Variants in FBXO41 observed in about 807,000 individuals in gnomAD.
The protein encoded by FBXO41 is F-box only protein 41.
FBXO41 carries 33 observed loss-of-function variants against 81.6 expected under a neutral mutation model. The observed-to-expected ratio is 0.40, with a 90% CI of 0.31 to 0.54. The LOEUF (loss-of-function observed/expected upper bound fraction) is 0.54, where lower values mean the gene tolerates loss of function less well. Ranked by LOEUF, FBXO41 falls within the 20% of genes least tolerant of loss-of-function variation. The probability of loss-of-function intolerance (pLI) is 0.39; values close to 1 mark genes in which losing one functional copy is unlikely to be tolerated. For missense variants in FBXO41, 1,107 were observed against 1,236.0 expected (o/e 0.90, Z 1.56); for synonymous variants, 576 against 552.7 (o/e 1.04, Z -0.59).
chr2:73,271,959 C>T (rs1298678271), intron 1 of FBXO41, among the ~76,000 whole-genome samples: 1 of 152,184 alleles, frequency 6.6e-6, no homozygotes, highest in Non-Finnish European at 1.5e-5. Flanking sequence ...AAGCTAGTTA[C>T]AGTTGGATCT....
At chr2:73,262,233 TA>T (rs34189596) in intron 9 of FBXO41, among the ~76,000 whole-genome samples, 81,334 of 142,892 alleles carry the variant, frequency 0.57, 23,580 homozygotes, top group African/African-American at 0.79. Context: ...AAAAACTAAA[TA>T]AAAAAAAAAA....
At chr2:73,281,732 G>A (rs1436640729) in intron 1 of FBXO41, among the ~76,000 whole-genome samples, 1 of 152,188 alleles carries the variant, frequency 6.6e-6, no homozygotes, top group African/African-American at 2.4e-5. Context: ...AGACCAGCAG[G>A]GCCCACAGCC....
At chr2:73,268,598 TG>T in intron 2 of FBXO41, 127 bp downstream of exon 2, 1 of 919,252 alleles carries the variant, frequency 1.1e-6, no homozygotes, top group Non-Finnish European at 1.6e-6. Flanking sequence ...TGCATGCTCC[TG>T]GCCACGGATC....
intron 5 of FBXO41, 93 bp downstream of exon 5, chr2:73,265,189 G>T: frequency 1.6e-6 from 2 of 1,237,122 alleles, no homozygotes; most frequent in South Asian, 1.5e-5. Flanking sequence ...TAGGAGGGGT[G>T]GGCAAGTCTG....
Position 73,260,838 on chromosome 2 carries a change from C to G in FBXO41, c.2192G>C (p.Ser731Thr). 1 of 1,566,996 alleles carries G rather than the reference C, an allele frequency of 6.4e-7. No homozygotes were observed. Among genetic ancestry groups the G allele is most frequent in the Non-Finnish European group, 8.7e-7 (1 of 1,154,778 alleles). Reference sequence around the variant, plus strand: ...ACCAATCATCTGCAGGCAGCGGTTACTGAAGCGTGTGGGCTGCTGGCTGGA... The same window carrying G: ...ACCAATCATCTGCAGGCAGCGGTTAGTGAAGCGTGTGGGCTGCTGGCTGGA... ...LHPCQQPTRF[S>T]NRCLQMIGRC... The change falls in exon 10 of 13, where the codon AGT (serine) becomes ACT (threonine). Residue 731 changes from serine to threonine, a missense_variant. Transcript: ENST00000520530. This position sits in a 1 kb window ranked among gnomAD's most constrained non-coding sequence, Gnocchi z 5.0.
chr2:73,263,644 G>C (rs1374629735), intron 8 of FBXO41, 34 bp downstream of exon 8: 2 of 1,610,776 alleles, frequency 1.2e-6, no homozygotes, highest in African/African-American at 2.7e-5. Flanking sequence ...TGGGCTTAGA[G>C]GGAACAGGCC....
chr2:73,265,784 G>A (rs543352350), intron 4 of FBXO41, 109 bp downstream of exon 4: 213 of 1,440,076 alleles, frequency 1.5e-4, no homozygotes, highest in Admixed American at 7.8e-4. Flanking sequence ...GCAGACATAC[G>A]TGACCCAGGG....
rs757982175 is a variant in FBXO41 at position 73,270,855 on chromosome 2, C to T, written c.-138-1087G>A. The stretch of plus-strand genomic sequence containing the variant: ...CTCTTCCTAACTGCCTGCAATAGGG[C>T]TTCCACTGCCCTGTGATCAAGGTCA... On this transcript the variant is annotated intron_variant, in intron 1 of 12. Coordinates refer to ENST00000520530, the MANE Select transcript of FBXO41 (RefSeq NM_001371389.2). 1.1e-5 allele frequency: 6 copies of T among 534,514 alleles called. No homozygotes were observed. In the East Asian group the frequency reaches 3.3e-4, roughly 29 times the overall value. The allele number at this position is 534,514 out of a possible 1,614,324, so 33.1% of individuals were successfully genotyped here. A position where few individuals can be genotyped will look rare whatever the true frequency, so the allele number is the denominator to read the frequency against.
rs1688271440 is a variant in FBXO41, at chr2:73,266,263, C to T, written c.1131+194G>A. 6.6e-6 allele frequency among the ~76,000 whole-genome samples: 1 copy of T among 152,208 alleles called. No homozygotes were observed. Among genetic ancestry groups the T allele is most frequent in the African/African-American group, 2.4e-5 (1 of 41,452 alleles). ...GCTGGGGCCACCGAATCACATCTCACTACAGCCTCGGGGGCTGGCACTGGC... is the reference window on the plus strand; with the variant it reads ...GCTGGGGCCACCGAATCACATCTCATTACAGCCTCGGGGGCTGGCACTGGC... On this transcript the variant is annotated intron_variant, in intron 3 of 12. Coordinates refer to ENST00000520530, the MANE Select transcript of FBXO41 (RefSeq NM_001371389.2). This position sits in a 1 kb window ranked among gnomAD's most constrained non-coding sequence, Gnocchi z 5.3.
Position 73,258,965 on chromosome 2 carries a change from G to C in FBXO41, c.*17C>G. On this transcript the variant is annotated 3_prime_UTR_variant, in exon 13 of 13. Coordinates refer to ENST00000520530, the MANE Select transcript of FBXO41 (RefSeq NM_001371389.2). ...CTGGTGTGGGGCTGGCAGGGGCCCTGCCGCCCCCTACCCGGGTTAGCAGCC... is the reference window on the plus strand; with the variant it reads ...CTGGTGTGGGGCTGGCAGGGGCCCTCCCGCCCCCTACCCGGGTTAGCAGCC... 3.2e-6 allele frequency: 5 copies of C among 1,561,900 alleles called. No individual in the cohort carries two copies. The highest frequency in any genetic ancestry group is 4.3e-6 in the Non-Finnish European group (5 of 1,153,446).
chr2:73,266,523 G>T lies in FBXO41; in HGVS notation c.1065C>A (p.Ser355Arg), dbSNP rs372629043. ...CCCCACCTCCACGGCCCAGGCTGGC[G>T]CTGGGCGTGCTGCCACAGCTGCTGC... is the stretch of plus-strand genomic sequence containing the variant. ...VISSSCGSTP[S>R]ASLGRGGGGG... is the part of the protein sequence containing the mutation. The change falls in exon 3 of 13, where the codon AGC becomes AGA. Residue 355 changes from serine to arginine, a missense_variant. This residue lies in a region of FBXO41 where 771 missense variants were observed against 789.2 expected (regional missense o/e 0.98). Transcript: ENST00000520530. The surrounding 1 kb of genome is among the most constrained non-coding windows in gnomAD (Gnocchi z 5.3). The T allele has an allele frequency of 6.2e-7, 1 of 1,603,432 alleles. No homozygotes were observed.
At chr2:73,281,690 C>T (rs987513870) in intron 1 of FBXO41, among the ~76,000 whole-genome samples, 2 of 152,216 alleles carry the variant, frequency 1.3e-5, no homozygotes, top group African/African-American at 4.8e-5. Context: ...GTTAGGCTCT[C>T]AACATAATGC....
At chr2:73,283,729 G>A (rs951566494) in intron 1 of FBXO41, among the ~76,000 whole-genome samples, 1 of 152,186 alleles carries the variant, frequency 6.6e-6, no homozygotes, top group African/African-American at 2.4e-5. Flanking sequence ...ACACCGGCAC[G>A]CACAGACACC....
rs1483429940 is a variant in FBXO41 at position 73,269,120 on chromosome 2, G to GCGT, written c.508_510dup (p.Thr170dup). 5.3e-6 allele frequency: 8 copies of GCGT among 1,512,608 alleles called. No homozygotes were observed. The highest frequency in any genetic ancestry group is 1.9e-4 in the Middle Eastern group (1 of 5,390). The allele number at this position is 1,512,608 out of a possible 1,614,324, so 93.7% of individuals were successfully genotyped here. On this transcript the variant is annotated inframe_insertion, in exon 2 of 13. Coordinates refer to ENST00000520530, the MANE Select transcript of FBXO41 (RefSeq NM_001371389.2). The surrounding 1 kb of genome is among the most constrained non-coding windows in gnomAD (Gnocchi z 7.0). ...GGGCCGGGGCCGGGGCCAGGCGGCGGCGTCGAGCACGCCGAGGACGCCACG... is the reference window on the plus strand; with the variant it reads ...GGGCCGGGGCCGGGGCCAGGCGGCGGCGTCGTCGAGCACGCCGAGGACGCCACG...
intron 1 of FBXO41, among the ~76,000 whole-genome samples, chr2:73,278,443 C>T (rs939637229): frequency 1.3e-4 from 20 of 152,318 alleles, no homozygotes; most frequent in Admixed American, 9.2e-4. Flanking sequence ...TATTCAAACA[C>T]GAATTTATTC....
rs1688425736 is a variant in FBXO41, at chr2:73,269,648, G to A, written c.-18C>T. The A allele has an allele frequency of 1.7e-6, 2 of 1,172,082 alleles. No homozygotes were observed. The highest frequency in any genetic ancestry group is 1.1e-6 in the Non-Finnish European group (1 of 951,768). The allele number at this position is 1,172,082 out of a possible 1,614,324, so 72.6% of individuals were successfully genotyped here. A position where few individuals can be genotyped will look rare whatever the true frequency, so the allele number is the denominator to read the frequency against. ...GAGGCCATGGCCCCGCCGCCCCCGCGGCACGCGGGCTCCACCGCGGCCGCC... is the reference window on the plus strand; with the variant it reads ...GAGGCCATGGCCCCGCCGCCCCCGCAGCACGCGGGCTCCACCGCGGCCGCC... On this transcript the variant is annotated 5_prime_UTR_variant, in exon 2 of 13. Transcript: ENST00000520530. This position sits in a 1 kb window ranked among gnomAD's most constrained non-coding sequence, Gnocchi z 7.0.
At position 73,265,455 on chromosome 2, in the gene FBXO41, C is replaced by G. The variant is rs375457673; in HGVS notation, c.1391G>C (p.Arg464Pro). The G allele has an allele frequency of 6.2e-7, 1 of 1,605,926 alleles. No individual in the cohort carries two copies. Among genetic ancestry groups the G allele is most frequent in the Non-Finnish European group, 8.5e-7 (1 of 1,179,144 alleles). The change falls in exon 5 of 13, where the codon CGC (arginine) becomes CCC (proline). Residue 464 changes from arginine to proline, a missense_variant. Coordinates refer to ENST00000520530, the MANE Select transcript of FBXO41 (RefSeq NM_001371389.2). ...GCGCTGCCAGTTCTGGATGGCCTGG[C>G]GCCGCAGGCCTGAGCTGCGAGGGGG... ...SQPPRSSGLR[R>P]QAIQNWQRRP...
intron 1 of FBXO41, chr2:73,271,226 C>T (rs912834339): frequency 2.7e-5 from 8 of 297,672 alleles, no homozygotes; most frequent in Admixed American, 2.3e-4. Context: ...GATGTCTGTT[C>T]CTTTTGCCAG....
At chr2:73,275,778 G>A (rs974360963) in intron 1 of FBXO41, among the ~76,000 whole-genome samples, 2 of 151,662 alleles carry the variant, frequency 1.3e-5, no homozygotes, top group Non-Finnish European at 2.9e-5. Flanking sequence ...GTATATGTGA[G>A]ACAAGCCTTA....
Sources: allele counts gnomAD v4.1 joint callset (sites outside exome capture counted in the v4.1 genomes callset), GRCh38; gene constraint gnomAD v4.1.1; regional missense constraint gnomAD v4.1.1; non-coding constraint Gnocchi (gnomAD v3.1); transcripts MANE v1.5; gene names NCBI Gene and HGNC (gene_info 2026-07-23, HGNC 2026-07-21).